PRDM1: variants seen among roughly 807,000 people sequenced by gnomAD.
The protein encoded by PRDM1 is PR domain zinc finger protein 1.
Under a neutral mutation model 62.8 loss-of-function variants are expected in PRDM1, and 13 were observed. The observed-to-expected ratio is 0.21, with a 90% confidence interval of 0.13 to 0.33. PRDM1 has a LOEUF of 0.33. Among genes scored for constraint, PRDM1 ranks in the 10% least tolerant of loss-of-function variants. The pLI is 1.00. For missense variants in PRDM1, 895 were observed against 1,058.8 expected, an observed-to-expected ratio of 0.85 and a Z score of 2.15; for synonymous variants, 396 against 417.6, an observed-to-expected ratio of 0.95 and a Z score of 0.63.
At chr6:106,065,462 TG>T (rs1261327685) in intron 1 of PRDM1, among the ~76,000 whole-genome samples, 8 of 152,190 alleles carry the variant, frequency 5.3e-5, no homozygotes. Flanking sequence ...TAAGCTGAAA[TG>T]TACACTGGTT....
At chr6:106,091,832 C>T (rs1256243423) in intron 2 of PRDM1, among the ~76,000 whole-genome samples, 1 of 152,146 alleles carries the variant, frequency 6.6e-6, no homozygotes, top group Non-Finnish European at 1.5e-5. Flanking sequence ...GAGCAAAACC[C>T]TGTTTCTAAA....
At chr6:106,055,276 G>A (rs1773244305) in intron 1 of PRDM1, among the ~76,000 whole-genome samples, 3 of 152,102 alleles carry the variant, frequency 2.0e-5, no homozygotes, top group Admixed American at 2.0e-4. Flanking sequence ...TGGCTTTTAC[G>A]GGAATTTTTT....
At chr6:106,022,838 G>A (rs1772710043) in intron 1 of PRDM1, among the ~76,000 whole-genome samples, 1 of 152,206 alleles carries the variant, frequency 6.6e-6, no homozygotes, top group South Asian at 2.1e-4. Context: ...TTACTGGCAT[G>A]AGCCCCTGTG....
upstream of PRDM1, among the ~76,000 whole-genome samples, chr6:106,044,527 C>T (rs1773045691): frequency 6.6e-6 from 1 of 152,108 alleles, no homozygotes; most frequent in African/African-American, 2.4e-5. Flanking sequence ...CAGTATCTGG[C>T]CTCAAATCGT....
At chr6:106,043,629 G>A (rs1479914379), upstream of PRDM1, among the ~76,000 whole-genome samples, 2 of 152,212 alleles carry the variant, frequency 1.3e-5, no homozygotes, top group South Asian at 2.1e-4. Context: ...CGCCTCTCCC[G>A]GGTTCAAGCG....
chr6:106,025,813 A>C (rs1772756606), intron 1 of PRDM1, among the ~76,000 whole-genome samples: 1 of 152,240 alleles, frequency 6.6e-6, no homozygotes, highest in Admixed American at 6.5e-5. Flanking sequence ...AACATACTAA[A>C]CTAATGTCTT....
At chr6:106,023,410 G>A (rs1772723073) in intron 1 of PRDM1, among the ~76,000 whole-genome samples, 1 of 151,942 alleles carries the variant, frequency 6.6e-6, no homozygotes. Context: ...GAAGGCAGAG[G>A]TTGCAGTGAG....
At position 106,039,359 on chromosome 6, in the gene PRDM1, A is replaced by G. The variant is rs550665913; in HGVS notation, c.-67+45720A>G. Among the ~76,000 whole-genome samples the G allele has an allele frequency of 7.2e-5, 11 of 152,364 alleles. No individual in the cohort carries two copies. In the South Asian group the frequency reaches 2.3e-3, roughly 32 times the overall value. On this transcript the variant is annotated intron_variant, in intron 1 of 6. Coordinates refer to the PRDM1 transcript ENST00000652320. ...GTATAAAACTATATTTGGTCCCTGT[A>G]TTCATAAAAGGCTGCCTTAAGTTTA...
intron 1 of PRDM1, among the ~76,000 whole-genome samples, chr6:106,026,277 G>A (rs1772766097): frequency 6.6e-6 from 1 of 152,000 alleles, no homozygotes; most frequent in African/African-American, 2.4e-5. Flanking sequence ...TCGGGAGTTC[G>A]AGACCAGCCT....
intron 1 of PRDM1, among the ~76,000 whole-genome samples, chr6:106,015,242 G>T (rs1271292156): frequency 5.9e-5 from 9 of 152,198 alleles, no homozygotes; most frequent in Admixed American, 4.6e-4. Flanking sequence ...CATCCTTAAT[G>T]CTTCTTGAAG....
At chr6:106,001,207 C>A (rs1056431082) in intron 1 of PRDM1, among the ~76,000 whole-genome samples, 3 of 152,122 alleles carry the variant, frequency 2.0e-5, no homozygotes, top group Non-Finnish European at 4.4e-5. Context: ...TTATCCTTTG[C>A]TCATTTTTTA....
At chr6:105,997,908 A>T (rs1482314417) in intron 1 of PRDM1, among the ~76,000 whole-genome samples, 1 of 152,208 alleles carries the variant, frequency 6.6e-6, no homozygotes, top group Admixed American at 6.5e-5. Flanking sequence ...GAAGTTTTAA[A>T]TATGATGGTT....
intron 1 of PRDM1, among the ~76,000 whole-genome samples, chr6:105,999,003 T>A (rs1341056103): frequency 6.7e-6 from 1 of 150,286 alleles, no homozygotes; most frequent in East Asian, 2.0e-4. Context: ...AATGGCATAA[T>A]CTCGGTTTAT....
chr6:106,024,073 T>C (rs907350003), intron 1 of PRDM1, among the ~76,000 whole-genome samples: 1 of 151,820 alleles, frequency 6.6e-6, no homozygotes. Context: ...GCCCAGGAGG[T>C]TGAGGCTGCA....
In PRDM1 at chr6:105,993,842, T is replaced by C. The variant is rs13201549; in HGVS notation, c.-67+203T>C. On this transcript the variant is annotated intron_variant, in intron 1 of 6. Coordinates refer to the PRDM1 transcript ENST00000652320. ...GTTGATAGCTCTCCTCTGGCATTAA[T>C]TCTTCAGTCTTTTAAAACGGAGTAG... Among the ~76,000 whole-genome samples the C allele has an allele frequency of 5.3e-5, 8 of 152,330 alleles. No homozygotes were observed. In the South Asian group the frequency reaches 1.2e-3, roughly 24 times the overall value.
At chr6:106,064,693 T>C (rs561935466) in intron 1 of PRDM1, among the ~76,000 whole-genome samples, 9 of 152,040 alleles carry the variant, frequency 5.9e-5, no homozygotes, top group Non-Finnish European at 1.3e-4. Flanking sequence ...TTCTCCTTGG[T>C]GAGAAGGAAA....
intron 1 of PRDM1, among the ~76,000 whole-genome samples, chr6:106,068,868 CTGTT>C (rs1391946527): frequency 6.6e-6 from 1 of 152,210 alleles, no homozygotes; most frequent in African/African-American, 2.4e-5. Flanking sequence ...TGAACATTCT[CTGTT>C]TGGAGGCTAT....
At chr6:106,018,303 A>G (rs1405960869) in intron 1 of PRDM1, among the ~76,000 whole-genome samples, 1 of 152,240 alleles carries the variant, frequency 6.6e-6, no homozygotes, top group Non-Finnish European at 1.5e-5. Context: ...ATAATTTTTT[A>G]GAACAGCTTA....
At chr6:106,090,802 A>T (rs1207756692) in intron 2 of PRDM1, among the ~76,000 whole-genome samples, 1 of 151,912 alleles carries the variant, frequency 6.6e-6, no homozygotes, top group Non-Finnish European at 1.5e-5. Flanking sequence ...TACAATATGT[A>T]CTATTGTGCT....
Sources: allele counts gnomAD v4.1 joint callset (sites outside exome capture counted in the v4.1 genomes callset), GRCh38; gene constraint gnomAD v4.1.1; transcripts MANE v1.5; gene names NCBI Gene and HGNC (gene_info 2026-07-23, HGNC 2026-07-21).